The following AUTS2 variants were observed in gnomAD, a reference collection of about 807,000 sequenced individuals.
AUTS2 encodes the protein activator of transcription and developmental regulator AUTS2.
In AUTS2, 17 loss-of-function variants were observed where a neutral mutation model predicts 112.4. The observed-to-expected ratio is 0.15, with a 90% CI of 0.10 to 0.23. The LOEUF is 0.23. Among genes scored for constraint, AUTS2 ranks in the 10% least tolerant of loss-of-function variants. The pLI, the probability that AUTS2 is intolerant of heterozygous loss-of-function variation, is 1.00. For synonymous variants in AUTS2, 751 were observed against 702.7 expected, an observed-to-expected ratio of 1.07 and a Z score of -1.09; for missense variants, 1,510 against 1,701.6, an observed-to-expected ratio of 0.89 and a Z score of 1.98.
intron 4 of AUTS2, among the ~76,000 whole-genome samples, chr7:70,143,455 C>T (rs1322924390): frequency 1.3e-5 from 2 of 152,188 alleles, no homozygotes; most frequent in Admixed American, 6.5e-5. Flanking sequence ...AGGACCAGCG[C>T]AGTAACACAA....
intron 1 of AUTS2, among the ~76,000 whole-genome samples, chr7:69,839,457 A>G (rs890669646): frequency 3.3e-5 from 5 of 152,170 alleles, no homozygotes; most frequent in Admixed American, 3.3e-4. Context: ...GTATAGATCA[A>G]GTAGGCTGAA....
chr7:70,169,689 T>G (rs1808570432), intron 4 of AUTS2, among the ~76,000 whole-genome samples: 1 of 152,204 alleles, frequency 6.6e-6, no homozygotes, highest in Non-Finnish European at 1.5e-5. Context: ...ATGCAGAGGT[T>G]TCATGAAATA....
rs1350652090 is a variant in AUTS2, at chr7:69,771,203, C to T, written c.310-128083C>T. 2.0e-5 allele frequency among the ~76,000 whole-genome samples: 3 copies of T among 152,360 alleles called. No individual in the cohort carries two copies. In the East Asian group the frequency reaches 5.8e-4, roughly 29 times the overall value. On this transcript the variant is annotated intron_variant, in intron 1 of 18. Transcript: ENST00000342771. The stretch of plus-strand genomic sequence containing the variant: ...ACCTACCAAAGCACCCAGCGATCTT[C>T]CTGTATGTGAACTCACAGGTTTTTC...
intron 5 of AUTS2, among the ~76,000 whole-genome samples, chr7:70,450,572 T>G (rs759937963): frequency 3.3e-5 from 5 of 152,156 alleles, no homozygotes; most frequent in Non-Finnish European, 5.9e-5. Flanking sequence ...TAAACATATG[T>G]TGGTATACAC....
intron 1 of AUTS2, among the ~76,000 whole-genome samples, chr7:69,735,849 T>A (rs1216362432): frequency 3.9e-5 from 6 of 152,214 alleles, no homozygotes; most frequent in African/African-American, 1.4e-4. Context: ...TGTCTGTCAA[T>A]GAAAGCTGTG....
intron 5 of AUTS2, among the ~76,000 whole-genome samples, chr7:70,445,334 G>A (rs1161648136): frequency 6.6e-6 from 1 of 152,122 alleles, no homozygotes; most frequent in East Asian, 1.9e-4. Flanking sequence ...GATAAGCCTA[G>A]CAGTGCCATT....
intron 5 of AUTS2, among the ~76,000 whole-genome samples, chr7:70,459,493 A>C (rs766632530): frequency 6.6e-6 from 1 of 152,200 alleles, no homozygotes; most frequent in Non-Finnish European, 1.5e-5. Context: ...GCTGTCATAC[A>C]TAGTCCAGGG....
intron 1 of AUTS2, among the ~76,000 whole-genome samples, chr7:69,692,935 C>A (rs1797409511): frequency 1.3e-5 from 2 of 152,172 alleles, no homozygotes; most frequent in Non-Finnish European, 2.9e-5. Flanking sequence ...GAGAGACTTC[C>A]CTCAAAATTA....
chr7:70,221,063 G>A (rs961407678), intron 4 of AUTS2, among the ~76,000 whole-genome samples: 2 of 152,124 alleles, frequency 1.3e-5, no homozygotes, highest in African/African-American at 4.8e-5. Flanking sequence ...TCACCACCAT[G>A]TTTGGCTAAT....
At chr7:69,823,749 A>G (rs1253152297) in intron 1 of AUTS2, among the ~76,000 whole-genome samples, 2 of 152,162 alleles carry the variant, frequency 1.3e-5, no homozygotes, top group Non-Finnish European at 2.9e-5. Flanking sequence ...GAATACAGGA[A>G]AAAATCATGA....
At chr7:69,969,853 A>C (rs1048572628) in intron 2 of AUTS2, among the ~76,000 whole-genome samples, 3 of 152,162 alleles carry the variant, frequency 2.0e-5, no homozygotes, top group African/African-American at 7.2e-5. Flanking sequence ...TGTTTGTCCA[A>C]AACTATAAGA....
chr7:69,823,523 G>C (rs1471884220), intron 1 of AUTS2, among the ~76,000 whole-genome samples: 2 of 152,198 alleles, frequency 1.3e-5, no homozygotes, highest in Non-Finnish European at 2.9e-5. Context: ...CACATTGGTA[G>C]ATCACCCCTG....
rs575446283 is a variant in AUTS2, at chr7:70,747,942, G to C, written c.743-14928G>C. On this transcript the variant is annotated intron_variant, in intron 6 of 18. Transcript: ENST00000342771. ...GTTCACGCCATTGTCCTGCCTCAGC[G>C]TCCCCAGTAGCTGGGACTATAGGCA... is the stretch of plus-strand genomic sequence containing the variant. Among the ~76,000 whole-genome samples the C allele has an allele frequency of 2.8e-4, 42 of 148,162 alleles. 1 individual carries two copies. In the South Asian group the frequency reaches 7.9e-3, roughly 28 times the overall value.
intron 4 of AUTS2, among the ~76,000 whole-genome samples, chr7:70,196,773 A>G (rs1810195850): frequency 1.3e-5 from 2 of 152,210 alleles, no homozygotes; most frequent in Non-Finnish European, 2.9e-5. Context: ...TTTTGTGCAC[A>G]TTGTGGACAC....
At chr7:70,131,609 CT>C (rs543140923) in intron 3 of AUTS2, among the ~76,000 whole-genome samples, 2 of 151,752 alleles carry the variant, frequency 1.3e-5, no homozygotes, top group African/African-American at 4.8e-5. Flanking sequence ...CTAAACATTC[CT>C]TTTTTTTGTT....
At chr7:69,787,421 CTAAAGCACT>C (rs1443646550) in intron 1 of AUTS2, among the ~76,000 whole-genome samples, 4 of 152,230 alleles carry the variant, frequency 2.6e-5, no homozygotes, top group African/African-American at 9.6e-5. Flanking sequence ...ATCTTTCTCT[CTAAAGCACT>C]TAAAGTCTTT....
chr7:69,926,437 GTCTGTCTGTCTA>G (rs946749361), intron 2 of AUTS2, among the ~76,000 whole-genome samples: 1 of 117,846 alleles, frequency 8.5e-6, no homozygotes, highest in East Asian at 2.4e-4. Context: ...CTATCTGTCT[GTCTGTCTGTCTA>G]TCTATCTATC....
chr7:70,461,576 G>A (rs1435879425), intron 5 of AUTS2, among the ~76,000 whole-genome samples: 1 of 152,144 alleles, frequency 6.6e-6, no homozygotes, highest in Non-Finnish European at 1.5e-5. Flanking sequence ...GTTAATACTA[G>A]TAATGATCAT....
At chr7:69,783,385 C>T (rs1158633976) in intron 1 of AUTS2, among the ~76,000 whole-genome samples, 1 of 152,112 alleles carries the variant, frequency 6.6e-6, no homozygotes, top group Non-Finnish European at 1.5e-5. Context: ...GAGCTGGACA[C>T]TGGCCATTTG....
Sources: gnomAD v4.1 joint callset for allele counts (sites outside exome capture counted in the v4.1 genomes callset) on GRCh38, gnomAD v4.1.1 for gene constraint, MANE v1.5 for transcripts, NCBI Gene and HGNC (gene_info 2026-07-23, HGNC 2026-07-21) for gene names.